The following GLB1L3 variants were observed in gnomAD, a reference collection of about 807,000 sequenced individuals.
GLB1L3 encodes the protein galactosidase beta 1 like 3, also known as beta-galactosidase-1-like protein 3.
Under a neutral mutation model 89.5 loss-of-function variants are expected in GLB1L3, and 89 were observed. That is an observed-to-expected ratio of 0.99 (90% CI 0.84 to 1.19). The LOEUF is 1.19. Among genes scored for constraint, GLB1L3 ranks in the 50% most tolerant of loss-of-function variants. GLB1L3 has a pLI of 0.00. For missense variants in GLB1L3, 812 were observed against 813.3 expected (o/e 1.00, Z 0.02); for synonymous variants, 314 against 312.3 (o/e 1.01, Z -0.06).
intron 9 of GLB1L3, among the ~76,000 whole-genome samples, chr11:134,294,352 G>A (rs1291153874): frequency 6.6e-6 from 1 of 152,218 alleles, no homozygotes; most frequent in Non-Finnish European, 1.5e-5. Flanking sequence ...ACAGGTGTGA[G>A]CCACTGCGCC....
At chr11:134,318,477 G>T (rs530188159) in intron 18 of GLB1L3, among the ~76,000 whole-genome samples, 154 bp from the exon 19 acceptor site, 1 of 152,258 alleles carries the variant, frequency 6.6e-6, no homozygotes. Context: ...TTCCTAGACA[G>T]CAAGGTAGAA....
intron 7 of GLB1L3, chr11:134,289,106 G>A (rs182173784): frequency 4.3e-6 from 2 of 463,414 alleles, no homozygotes; most frequent in East Asian, 7.3e-5. Flanking sequence ...ATAGTCTACT[G>A]TTGACTGGAA....
chr11:134,284,886 C>T (rs1940896403), intron 6 of GLB1L3, among the ~76,000 whole-genome samples: 1 of 150,252 alleles, frequency 6.7e-6, no homozygotes, highest in Non-Finnish European at 1.5e-5. Context: ...GTTTGATTTA[C>T]TCCTACAGAT....
intron 2 of GLB1L3, 69 bp downstream of exon 2, chr11:134,277,520 C>A (rs1790498743): frequency 6.3e-7 from 1 of 1,586,806 alleles, no homozygotes. Context: ...AAAATAGTAT[C>A]GCGAATATGC....
At chr11:134,280,651 TACA>T (rs1158254784) in intron 3 of GLB1L3, among the ~76,000 whole-genome samples, 1 of 152,192 alleles carries the variant, frequency 6.6e-6, no homozygotes, top group East Asian at 1.9e-4. Flanking sequence ...ACTTACAACA[TACA>T]ACAAGCTACG....
chr11:134,309,100 T>C (rs1942590260), intron 10 of GLB1L3, among the ~76,000 whole-genome samples: 1 of 152,336 alleles, frequency 6.6e-6, no homozygotes, highest in Admixed American at 6.5e-5. Flanking sequence ...ACTAATTATA[T>C]GTATGATTTC....
At chr11:134,277,262 C>A (rs751528995) in intron 1 of GLB1L3, 64 bp from the exon 2 acceptor site, 5 of 1,608,632 alleles carry the variant, frequency 3.1e-6, no homozygotes, top group Non-Finnish European at 4.2e-6. Flanking sequence ...CACAGCTTCC[C>A]GGCCCTTGCA....
At chr11:134,284,140 C>G (rs999694768) in intron 6 of GLB1L3, among the ~76,000 whole-genome samples, 1 of 152,124 alleles carries the variant, frequency 6.6e-6, no homozygotes, top group Non-Finnish European at 1.5e-5. Flanking sequence ...TGCTTCTTTC[C>G]ACTTTTGACA....
Position 134,309,679 on chromosome 11 carries a change from T to C in GLB1L3, c.1015T>C (p.Tyr339His). 1 of 1,612,896 alleles carries C rather than the reference T, an allele frequency of 6.2e-7. No homozygotes were observed. The highest frequency in any genetic ancestry group is 8.5e-7 in the Non-Finnish European group (1 of 1,179,340). Residue 339 changes from tyrosine to histidine, a missense_variant, in exon 11 of 20, where the codon TAT (tyrosine) becomes CAT (histidine). Physicochemically the swap from Tyr to His is moderately conservative, Grantham distance 83. Transcript: ENST00000431683. ...CAAATATGAGATCTCCTTCAATGTA[T>C]ATATGTTCCATGGTGGAACCAACTT... ...FIKYEISFNVYMFHGGTNFGF... is the reference protein window; with the variant it reads ...FIKYEISFNVHMFHGGTNFGF...
chr11:134,284,271 G>A (rs1018675886), intron 6 of GLB1L3, among the ~76,000 whole-genome samples: 2 of 151,776 alleles, frequency 1.3e-5, no homozygotes, highest in African/African-American at 4.9e-5. Context: ...TAGATTTTGT[G>A]TCTCTTTTTA....
chr11:134,315,659 A>G (rs2136232612), intron 18 of GLB1L3, among the ~76,000 whole-genome samples: 1 of 152,268 alleles, frequency 6.6e-6, no homozygotes, highest in East Asian at 1.9e-4. Flanking sequence ...GTCATTTGTT[A>G]CAGGATATCG....
chr11:134,323,421 A>G (rs1161091605), downstream of GLB1L3, among the ~76,000 whole-genome samples: 1 of 142,038 alleles, frequency 7.0e-6, no homozygotes, highest in Non-Finnish European at 1.5e-5. Context: ...ACACACACAC[A>G]CACAATTAGT....
rs767374185 is a variant in GLB1L3 at position 134,309,618 on chromosome 11, C to T, written c.962-8C>T. On this transcript the variant is annotated splice_region_variant and splice_polypyrimidine_tract_variant and intron_variant, in intron 10 of 19. Transcript: ENST00000431683. ...ACATTCTCTGTGTTCTCATGTTCCCCTTTGCAGAGGTTGAACATGCTGTGT... is the reference window on the plus strand; with the variant it reads ...ACATTCTCTGTGTTCTCATGTTCCCTTTTGCAGAGGTTGAACATGCTGTGT... 1.3e-6 allele frequency: 2 copies of T among 1,586,604 alleles called. No individual in the cohort carries two copies. Among genetic ancestry groups the T allele is most frequent in the Non-Finnish European group, 1.7e-6 (2 of 1,161,846 alleles).
chr11:134,281,347 C>T (rs1289067984), intron 3 of GLB1L3, 30 bp from the exon 4 acceptor site: 4 of 1,612,730 alleles, frequency 2.5e-6, no homozygotes, highest in Non-Finnish European at 8.5e-7. Flanking sequence ...TAAGAAGATA[C>T]TCATCATACT....
chr11:134,288,369 G>A (rs370461593), intron 6 of GLB1L3, among the ~76,000 whole-genome samples: 24 of 152,308 alleles, frequency 1.6e-4, no homozygotes, highest in African/African-American at 5.1e-4. Flanking sequence ...TGCAAAGGAA[G>A]GTCAAAGGCA....
intron 18 of GLB1L3, among the ~76,000 whole-genome samples, chr11:134,318,334 C>T (rs964514550): frequency 6.6e-6 from 1 of 152,200 alleles, no homozygotes; most frequent in African/African-American, 2.4e-5. Flanking sequence ...TGGTGTTCAT[C>T]ACTATTACCT....
chr11:134,310,683 CCCT>C (rs1477150723), intron 12 of GLB1L3, 32 bp downstream of exon 12: 1 of 1,515,860 alleles, frequency 6.6e-7, no homozygotes, highest in Admixed American at 1.7e-5. Flanking sequence ...TACGGGCCAG[CCCT>C]CCTCATGTGG....
intron 9 of GLB1L3, among the ~76,000 whole-genome samples, chr11:134,299,466 C>T (rs1941827796): frequency 6.6e-6 from 1 of 151,994 alleles, no homozygotes; most frequent in Non-Finnish European, 1.5e-5. Flanking sequence ...TTTTGTGTTC[C>T]CCTCGTCTGG....
At chr11:134,310,050 T>G (rs1024604170) in intron 11 of GLB1L3, 3 of 476,686 alleles carry the variant, frequency 6.3e-6, no homozygotes, top group African/African-American at 5.8e-5. Flanking sequence ...GAACGGTGAC[T>G]GCTGTAAAGG....
Sources: allele counts gnomAD v4.1 joint callset (sites outside exome capture counted in the v4.1 genomes callset), GRCh38; gene constraint gnomAD v4.1.1; transcripts MANE v1.5; gene names NCBI Gene and HGNC (gene_info 2026-07-23, HGNC 2026-07-21).